Variants in CEBPZ observed in about 807,000 individuals in gnomAD.
The protein encoded by CEBPZ is CCAAT/enhancer-binding protein zeta.
CEBPZ carries 78 observed loss-of-function variants against 104.5 expected under a neutral mutation model. The ratio of observed to expected loss-of-function variants is 0.75; its 90% confidence interval spans 0.62 to 0.90. The LOEUF is 0.90. Ranked by LOEUF, CEBPZ falls within the 40% of genes least tolerant of loss-of-function variation. CEBPZ has a pLI of 0.00. For missense variants in CEBPZ, 1,439 were observed against 1,233.5 expected (o/e 1.17, Z -2.50); for synonymous variants, 470 against 427.0 (o/e 1.10, Z -1.24).
chr2:37,211,947 T>C lies in CEBPZ; in HGVS notation c.2696A>G (p.Asp899Gly), dbSNP rs1677734382. The change falls in exon 12 of 16, where the codon GAT becomes GGT. Residue 899 changes from aspartate to glycine, a missense_variant. Coordinates refer to ENST00000234170, the MANE Select transcript of CEBPZ (RefSeq NM_005760.3). ...ATCCATACTTCCTAAAGAAACTTCA[T>C]CGTCATCCAGGTTACCAAGTTCATC... ...SDDELGNLDD[D>G]EVSLGSMDDE... 3 of 1,613,840 alleles carry C rather than the reference T, an allele frequency of 1.9e-6. No individual in the cohort carries two copies. The highest frequency in any genetic ancestry group is 2.5e-6 in the Non-Finnish European group (3 of 1,179,872).
intron 13 of CEBPZ, among the ~76,000 whole-genome samples, chr2:37,208,673 C>T (rs562445166): frequency 6.6e-6 from 1 of 152,212 alleles, no homozygotes; most frequent in South Asian, 2.1e-4. Context: ...ATGATAAACC[C>T]ATAGCCAACA....
At position 37,227,840 on chromosome 2, in the gene CEBPZ, G is replaced by A; in HGVS notation, c.1353C>T (p.Ser451=). ...TGTTAGCCAATTCACTTTCTTCATG[G>A]GACAGAGCCATTTGATTTAAAAAGC... ...AICFLNQMAL[S]HEESELANKL... Residue 451 remains serine (S), a synonymous_variant, in exon 2 of 16, where the codon TCC becomes TCT. Coordinates refer to ENST00000234170, the MANE Select transcript of CEBPZ (RefSeq NM_005760.3). 6.2e-7 allele frequency: 1 copy of A among 1,614,006 alleles called. No homozygotes were observed. The highest frequency in any genetic ancestry group is 1.1e-5 in the South Asian group (1 of 91,088).
rs2148359870 is a variant in CEBPZ at position 37,223,319 on chromosome 2, T to C, written c.1732A>G (p.Ile578Val). Residue 578 changes from isoleucine to valine, a missense_variant, in exon 3 of 16, where the codon ATT becomes GTT. By Grantham distance (29) the Ile-to-Val change is conservative. Transcript: ENST00000234170. ...AAAGCCTTCACCCGGCGCAACACAATGTCAGCTTTCAGAGATTTGTAGACA... is the reference window on the plus strand; with the variant it reads ...AAAGCCTTCACCCGGCGCAACACAACGTCAGCTTTCAGAGATTTGTAGACA... ...NLVYKSLKAD[I>V]VLRRVKAFVK... The C allele has an allele frequency of 6.2e-7, 1 of 1,614,130 alleles. No homozygotes were observed. The highest frequency in any genetic ancestry group is 8.5e-7 in the Non-Finnish European group (1 of 1,180,020).
chr2:37,213,846 G>C lies in CEBPZ; in HGVS notation c.2545+18C>G, dbSNP rs372182364. 5.9e-6 allele frequency: 9 copies of C among 1,531,486 alleles called. No individual in the cohort carries two copies. The African/African-American group carries it at 8.2e-5, about 14-fold the overall frequency. 94.9% of individuals were successfully genotyped at this position (1,531,486 alleles called of 1,614,324 possible). ...ATAGTAGTAGATTATTTTACAAAGA[G>C]TCAACAAAACAAATTACCAATCAGC... On this transcript the variant is annotated intron_variant, in intron 10 of 15. Transcript: ENST00000234170.
At chr2:37,208,429 C>G (rs1364911135) in intron 13 of CEBPZ, among the ~76,000 whole-genome samples, 1 of 152,210 alleles carries the variant, frequency 6.6e-6, no homozygotes, top group East Asian at 1.9e-4. Context: ...AACAGCATAT[C>G]AAAAAGATAA....
intron 13 of CEBPZ, chr2:37,210,708 AC>A: frequency 3.8e-6 from 1 of 264,528 alleles, no homozygotes. Context: ...CTCAGAAATC[AC>A]TACTAAAGAA....
chr2:37,218,039 G>T (rs190309054), intron 5 of CEBPZ, among the ~76,000 whole-genome samples: 16 of 151,448 alleles, frequency 1.1e-4, no homozygotes, highest in African/African-American at 3.9e-4. Context: ...AGGCCGAGGC[G>T]GGCGGATCAC....
Position 37,211,898 on chromosome 2 carries a change from A to T in CEBPZ, c.2745T>A (p.Asp915Glu). ...SMDDEEFAEV[D>E]EDGGTFMDVL... Reference sequence around the variant, plus strand: ...CATCCATGAATGTTCCTCCATCTTCATCAACTTCAGCAAATTCTTCATCAT... The same window carrying T: ...CATCCATGAATGTTCCTCCATCTTCTTCAACTTCAGCAAATTCTTCATCAT... Residue 915 changes from aspartate (D) to glutamate (E), a missense_variant, in exon 12 of 16, where the codon GAT becomes GAA. Physicochemically the swap from Asp to Glu is conservative, Grantham distance 45. Transcript: ENST00000234170. 1 of 1,612,258 alleles carries T rather than the reference A, an allele frequency of 6.2e-7. No individual in the cohort carries two copies. The highest frequency in any genetic ancestry group is 1.1e-5 in the South Asian group (1 of 90,586).
At chr2:37,205,911 C>G (rs1251224625) in intron 13 of CEBPZ, among the ~76,000 whole-genome samples, 2 of 152,056 alleles carry the variant, frequency 1.3e-5, no homozygotes, top group African/African-American at 4.8e-5. Flanking sequence ...AATAAAGGAG[C>G]ATGGATTATT....
chr2:37,207,010 A>T (rs756868174), intron 13 of CEBPZ, among the ~76,000 whole-genome samples: 1 of 152,226 alleles, frequency 6.6e-6, no homozygotes, highest in Non-Finnish European at 1.5e-5. Flanking sequence ...CTATTCTTAT[A>T]TCAGACAAAA....
chr2:37,225,355 T>C (rs1216360135), intron 2 of CEBPZ, among the ~76,000 whole-genome samples: 1 of 152,034 alleles, frequency 6.6e-6, no homozygotes, highest in African/African-American at 2.4e-5. Flanking sequence ...TGTTACTGTG[T>C]CTGTGTAGAA....
chr2:37,215,379 AAC>A (rs141983297), intron 8 of CEBPZ: 3,331 of 153,552 alleles, frequency 0.022, 70 homozygotes, highest in African/African-American at 0.061. Context: ...ACAGGAAGTT[AAC>A]AGAGTTTTCC....
rs1359195397 is a variant in CEBPZ, at chr2:37,231,577, A to G, written c.-10T>C. On this transcript the variant is annotated 5_prime_UTR_variant, in exon 1 of 16. Transcript: ENST00000234170. ...CCTTGACTGCGGCCATGGCGGGCAA[A>G]GCATACGCGCGTGAAACTCAGCCTA... The G allele has an allele frequency of 3.1e-6, 5 of 1,614,120 alleles. No individual in the cohort carries two copies. The African/African-American group carries it at 4.0e-5, about 13-fold the overall frequency.
intron 13 of CEBPZ, chr2:37,210,713 T>A: frequency 3.4e-6 from 1 of 293,140 alleles, no homozygotes; most frequent in Non-Finnish European, 6.5e-6. Flanking sequence ...AAATCACTAC[T>A]AAAGAACTTA....
Position 37,216,512 on chromosome 2 carries a change from T to C in CEBPZ, c.2209-94A>G. The stretch of plus-strand genomic sequence containing the variant: ...AAGAAAAAGATAATTTCTATTACAC[T>C]GTATTGAAGATACAAATATGCAATA... On this transcript the variant is annotated intron_variant, in intron 6 of 15. Transcript: ENST00000234170. 7.0e-6 allele frequency: 6 copies of C among 853,220 alleles called. 1 individual carries two copies. The South Asian group carries it at 9.6e-5, about 14-fold the overall frequency. The allele number at this position is 853,220 out of a possible 1,614,324, so 52.9% of individuals were successfully genotyped here.
At chr2:37,217,250 G>C (rs1664626736) in intron 5 of CEBPZ, among the ~76,000 whole-genome samples, 1 of 151,880 alleles carries the variant, frequency 6.6e-6, no homozygotes, top group African/African-American at 2.4e-5. Flanking sequence ...TACAAAAATA[G>C]TCAGGGTGTG....
In CEBPZ at chr2:37,216,195, ACTAT is replaced by A; in HGVS notation, c.2321_2324del (p.Asp774ValfsTer3). 2.5e-6 allele frequency: 4 copies of A among 1,612,866 alleles called. No individual in the cohort carries two copies. The highest frequency in any genetic ancestry group is 3.4e-6 in the Non-Finnish European group (4 of 1,179,450). On this transcript the variant is annotated frameshift_variant, in exon 8 of 16. Coordinates refer to ENST00000234170, the MANE Select transcript of CEBPZ (RefSeq NM_005760.3). LOFTEE classifies it high-confidence loss of function. ...GTTTTCTTTTCGGCTGCATCACAAC[ACTAT>A]CTGTGTTTTCTGAAATGTAAAATTA...
At chr2:37,220,540 C>T (rs1345264212) in intron 4 of CEBPZ, 67 bp from the exon 5 acceptor site, 5 of 757,386 alleles carry the variant, frequency 6.6e-6, no homozygotes, top group Non-Finnish European at 1.1e-5. Flanking sequence ...TCATTAAAAG[C>T]ACCACCATTA....
In CEBPZ at chr2:37,202,851, C is replaced by T. The variant is rs767949383; in HGVS notation, c.2958G>A (p.Leu986=). 6.2e-7 allele frequency: 1 copy of T among 1,600,886 alleles called. No individual in the cohort carries two copies. The highest frequency in any genetic ancestry group is 1.1e-5 in the South Asian group (1 of 88,274). The stretch of plus-strand genomic sequence containing the variant: ...CAAACTTGGATCCCATATTTTCATC[C>T]AATAGATGGCCAAACTTTTAAACAA... ...FVSAEEFGHL[L]DENMGSKFDN... The change falls in exon 15 of 16, where the codon TTG becomes TTA. Residue 986 remains leucine, a synonymous_variant. Coordinates refer to ENST00000234170, the MANE Select transcript of CEBPZ (RefSeq NM_005760.3).
Sources: gnomAD v4.1 joint callset for allele counts (sites outside exome capture counted in the v4.1 genomes callset) on GRCh38, gnomAD v4.1.1 for gene constraint, MANE v1.5 for transcripts, NCBI Gene and HGNC (gene_info 2026-07-23, HGNC 2026-07-21) for gene names.